STARD13: variants seen among roughly 807,000 people sequenced by gnomAD.
STARD13 encodes the protein stAR-related lipid transfer protein 13.
A neutral mutation model predicts 106.4 loss-of-function variants in STARD13; 62 were observed. The observed-to-expected ratio is 0.58, with a 90% CI of 0.48 to 0.72. The LOEUF is 0.72. Ranked by LOEUF, STARD13 falls within the 30% of genes least tolerant of loss-of-function variation. STARD13 has a pLI of 0.00. For missense variants in STARD13, 1,387 were observed against 1,424.0 expected (o/e 0.97, Z 0.42); for synonymous variants, 565 against 553.0 (o/e 1.02, Z -0.31).
chr13:33,147,891 G>A (rs2138263383), intron 3 of STARD13, among the ~76,000 whole-genome samples: 1 of 152,282 alleles, frequency 6.6e-6, no homozygotes, highest in African/African-American at 2.4e-5. Context: ...AAATGGAGCA[G>A]AATGAGGAAC....
chr13:33,432,142 C>T, the STARD13 span, among the ~76,000 whole-genome samples: 4 of 151,974 alleles, frequency 2.6e-5, no homozygotes, highest in African/African-American at 9.7e-5. Context: ...GCCTAGTTTG[C>T]AGTGTGGACG....
chr13:33,301,568 C>CTTTTTTTTT (rs11393186), intron 1 of STARD13, among the ~76,000 whole-genome samples: 1 of 72,080 alleles, frequency 1.4e-5, no homozygotes, highest in East Asian at 2.5e-4. Flanking sequence ...CTTTTTTTTT[C>CTTTTTTTTT]TTTTTTTTTT....
the STARD13 span, among the ~76,000 whole-genome samples, chr13:33,368,424 C>A: frequency 2.0e-5 from 3 of 152,180 alleles, no homozygotes; most frequent in Non-Finnish European, 4.4e-5. Flanking sequence ...TATATGCATG[C>A]AGCTCTGTCA....
the STARD13 span, among the ~76,000 whole-genome samples, chr13:33,590,376 G>GCT: frequency 8.6e-5 from 13 of 151,976 alleles, no homozygotes; most frequent in African/African-American, 3.1e-4. Flanking sequence ...TATAAATCAT[G>GCT]CTCTCCTAAA....
At chr13:33,457,750 C>G in the STARD13 span, among the ~76,000 whole-genome samples, 1 of 152,146 alleles carries the variant, frequency 6.6e-6, no homozygotes, top group Non-Finnish European at 1.5e-5. Context: ...TTTTTGGGGC[C>G]TCTTTTACAA....
chr13:33,408,703 T>C, the STARD13 span, among the ~76,000 whole-genome samples: 3 of 152,168 alleles, frequency 2.0e-5, no homozygotes, highest in African/African-American at 7.2e-5. Context: ...TTCCTGGGCA[T>C]AAAAGATCTG....
chr13:33,641,718 A>G, the STARD13 span, among the ~76,000 whole-genome samples: 3 of 152,110 alleles, frequency 2.0e-5, no homozygotes, highest in Non-Finnish European at 2.9e-5. Flanking sequence ...CTCTCATTTA[A>G]TTTCCAGAAG....
chr13:33,642,750 G>A, the STARD13 span, among the ~76,000 whole-genome samples: 2 of 151,364 alleles, frequency 1.3e-5, no homozygotes, highest in African/African-American at 2.4e-5. Flanking sequence ...TCTGTCTATC[G>A]CCCTGTGTTT....
the STARD13 span, among the ~76,000 whole-genome samples, chr13:33,620,574 T>G: frequency 2.0e-5 from 3 of 152,090 alleles, no homozygotes; most frequent in Non-Finnish European, 4.4e-5. Context: ...TGGGCCACCA[T>G]GCCCGGCCAG....
intron 1 of STARD13, among the ~76,000 whole-genome samples, chr13:33,303,521 T>A (rs1892796170): frequency 6.6e-6 from 1 of 152,128 alleles, no homozygotes; most frequent in Non-Finnish European, 1.5e-5. Context: ...TGACATATGG[T>A]AGGGCTCAGT....
the STARD13 span, among the ~76,000 whole-genome samples, chr13:33,624,381 G>C: frequency 6.6e-6 from 1 of 152,220 alleles, no homozygotes; most frequent in African/African-American, 2.4e-5. Context: ...GCCCCGCTGC[G>C]GGCAGAGTGA....
chr13:33,364,414 T>C, the STARD13 span, among the ~76,000 whole-genome samples: 1 of 152,190 alleles, frequency 6.6e-6, no homozygotes, highest in Non-Finnish European at 1.5e-5. Flanking sequence ...ATTTTAAAAA[T>C]ATAATAAAAA....
At chr13:33,138,569 C>T in intron 4 of STARD13, 1 of 192,680 alleles carries the variant, frequency 5.2e-6, no homozygotes. Context: ...CCACACGAAT[C>T]CACAGCTGCA....
At chr13:33,639,357 T>C in the STARD13 span, among the ~76,000 whole-genome samples, 10,373 of 152,274 alleles carry the variant, frequency 0.068, 812 homozygotes, top group Admixed American at 0.19. Flanking sequence ...CAGGGCTGTC[T>C]GGGAGACGGA....
chr13:33,224,317 G>C (rs945015844), intron 1 of STARD13, among the ~76,000 whole-genome samples: 1 of 152,142 alleles, frequency 6.6e-6, no homozygotes, highest in Non-Finnish European at 1.5e-5. Context: ...TAGATTTGGG[G>C]AATAGTACTG....
the STARD13 span, among the ~76,000 whole-genome samples, chr13:33,673,443 T>C: frequency 1.3e-5 from 2 of 151,930 alleles, no homozygotes; most frequent in Non-Finnish European, 2.9e-5. Context: ...ACCAGGCATA[T>C]AGGTAGTAAG....
the STARD13 span, among the ~76,000 whole-genome samples, chr13:33,535,085 C>T: frequency 6.6e-6 from 1 of 152,134 alleles, no homozygotes; most frequent in East Asian, 1.9e-4. Flanking sequence ...TGTGGTTGTG[C>T]ATGCCTGTAA....
chr13:33,355,381 G>A (rs9597282), upstream of STARD13: 21,662 of 152,174 alleles, frequency 0.14, 2,136 homozygotes, highest in Non-Finnish European at 0.19. Context: ...GCTTGCTGCG[G>A]TATTTTTTTG....
At chr13:33,386,670 C>A in the STARD13 span, among the ~76,000 whole-genome samples, 1 of 152,008 alleles carries the variant, frequency 6.6e-6, no homozygotes, top group Non-Finnish European at 1.5e-5. Context: ...GCAGGTAGAC[C>A]AAGGCAGAGC....
Sources: allele counts gnomAD v4.1 joint callset (sites outside exome capture counted in the v4.1 genomes callset), GRCh38; gene constraint gnomAD v4.1.1; transcripts MANE v1.5; gene names NCBI Gene and HGNC (gene_info 2026-07-23, HGNC 2026-07-21).